The following TRPM6 variants were observed in gnomAD, a reference collection of about 807,000 sequenced individuals.
TRPM6 encodes channel kinase 2.
A neutral mutation model predicts 247.6 loss-of-function variants in TRPM6; 111 were observed. That is an observed-to-expected ratio of 0.45 (90% confidence interval 0.38 to 0.52). The LOEUF (loss-of-function observed/expected upper bound fraction) is 0.52, where lower values mean the gene tolerates loss of function less well. TRPM6 is among the 20% of genes least tolerant of loss of function. The probability of loss-of-function intolerance (pLI) is 0.00; values close to 1 mark genes in which losing one functional copy is unlikely to be tolerated. For missense variants in TRPM6, 2,126 were observed against 2,421.5 expected (o/e 0.88, Z 2.56); for synonymous variants, 892 against 853.8 (o/e 1.04, Z -0.78).
At position 74,726,360 on chromosome 9, in the gene TRPM6, A is replaced by C. The variant is rs1258086531; in HGVS notation, c.5936-1614T>G. Reference sequence around the variant, plus strand: ...CCCTATCTCTACTAAAAATACAAAAATTAGCTGGGCGTGGTGGCGGGCGCC... The same window carrying C: ...CCCTATCTCTACTAAAAATACAAAACTTAGCTGGGCGTGGTGGCGGGCGCC... On this transcript the variant is annotated intron_variant, in intron 38 of 38. Transcript: ENST00000360774. Among the ~76,000 whole-genome samples, 3 of 152,220 alleles carry C rather than the reference A, an allele frequency of 2.0e-5. No homozygotes were observed. The East Asian group carries it at 5.8e-4, about 29-fold the overall frequency.
intron 38 of TRPM6, among the ~76,000 whole-genome samples, chr9:74,726,343 C>T (rs895606216): frequency 1.3e-5 from 2 of 152,060 alleles, no homozygotes; most frequent in Non-Finnish European, 2.9e-5. Context: ...AACCCTATCT[C>T]TACTAAAAAT....
rs1009596239 is a variant in TRPM6 at position 74,747,527 on chromosome 9, A to G, written c.5083+362T>C. Among the ~76,000 whole-genome samples, 7 of 152,350 alleles carry G rather than the reference A, an allele frequency of 4.6e-5. No homozygotes were observed. In the East Asian group the frequency reaches 9.6e-4, roughly 21 times the overall value. On this transcript the variant is annotated intron_variant, in intron 31 of 38. Coordinates refer to ENST00000360774, the MANE Select transcript of TRPM6 (RefSeq NM_017662.5). ...GCCCCAGATCTTACTAAAACCCTAC[A>G]GGAAAAGGCACCCATATAACAATCT...
chr9:74,790,353 G>A (rs1187794154), intron 19 of TRPM6, among the ~76,000 whole-genome samples: 1 of 152,020 alleles, frequency 6.6e-6, no homozygotes, highest in Non-Finnish European at 1.5e-5. Flanking sequence ...TGACTCCTTA[G>A]GGACACACTT....
intron 7 of TRPM6, among the ~76,000 whole-genome samples, chr9:74,824,129 GGAAGA>G (rs370763618): frequency 9.6e-4 from 146 of 151,392 alleles, no homozygotes; most frequent in African/African-American, 3.2e-3. Flanking sequence ...TTGTGGAAGA[GGAAGA>G]GAATTCAATT....
At chr9:74,729,995 T>C (rs1347765958) in intron 37 of TRPM6, among the ~76,000 whole-genome samples, 9 of 152,152 alleles carry the variant, frequency 5.9e-5, no homozygotes, top group Non-Finnish European at 1.0e-4. Flanking sequence ...CAAATGCATA[T>C]AGCAGGAGTT....
intron 32 of TRPM6, 40 bp downstream of exon 32, chr9:74,744,055 T>C: frequency 6.3e-7 from 1 of 1,598,258 alleles, no homozygotes; most frequent in Non-Finnish European, 8.6e-7. Context: ...AGCACAGACA[T>C]TTAGCTCAGC....
chr9:74,776,153 T>C (rs1285543778), intron 23 of TRPM6, 77 bp from the exon 24 acceptor site: 18 of 1,291,462 alleles, frequency 1.4e-5, no homozygotes, highest in African/African-American at 2.9e-5. Flanking sequence ...TTTTCCAACA[T>C]TTATGATTGG....
At chr9:74,745,343 C>T (rs1022726507) in intron 31 of TRPM6, among the ~76,000 whole-genome samples, 1 of 152,154 alleles carries the variant, frequency 6.6e-6, no homozygotes, top group African/African-American at 2.4e-5. Flanking sequence ...GTGCCAGGCA[C>T]TGGTCTATGC....
chr9:74,867,338 T>C (rs1307889295), intron 1 of TRPM6, among the ~76,000 whole-genome samples: 1 of 152,178 alleles, frequency 6.6e-6, no homozygotes, highest in Non-Finnish European at 1.5e-5. Context: ...TAGAGACCTC[T>C]AGGAGTCCTT....
intron 6 of TRPM6, 132 bp downstream of exon 6, chr9:74,833,866 C>G (rs1829625423): frequency 8.1e-7 from 1 of 1,237,092 alleles, no homozygotes; most frequent in Non-Finnish European, 1.1e-6. Context: ...AGGGAAGCAG[C>G]AGAAAGTCAG....
At chr9:74,796,679 A>T (rs915143108) in intron 18 of TRPM6, 62 bp downstream of exon 18, 2 of 1,540,290 alleles carry the variant, frequency 1.3e-6, no homozygotes, top group South Asian at 1.1e-5. Context: ...AACTTTAAGG[A>T]TGTGTATATT....
chr9:74,802,746 C>A (rs922089686), intron 15 of TRPM6, among the ~76,000 whole-genome samples: 3 of 152,188 alleles, frequency 2.0e-5, no homozygotes. Flanking sequence ...TTTGAAGTTT[C>A]TTTTCCTTTA....
At chr9:74,795,340 C>T (rs750720818) in intron 18 of TRPM6, among the ~76,000 whole-genome samples, 7 of 152,122 alleles carry the variant, frequency 4.6e-5, no homozygotes, top group Non-Finnish European at 7.4e-5. Context: ...ACTGGCTGTC[C>T]GTAACCTACA....
intron 1 of TRPM6, among the ~76,000 whole-genome samples, chr9:74,865,780 A>G (rs1368940773): frequency 6.6e-6 from 1 of 152,178 alleles, no homozygotes; most frequent in Non-Finnish European, 1.5e-5. Flanking sequence ...TTTTGTTTTA[A>G]TACAGAGTCT....
intron 3 of TRPM6, among the ~76,000 whole-genome samples, chr9:74,854,919 TCCATCCA>T (rs1284298251): frequency 2.6e-5 from 4 of 152,196 alleles, no homozygotes; most frequent in African/African-American, 9.6e-5. Flanking sequence ...GCTCAAGCAG[TCCATCCA>T]CCTTGGCCTC....
At position 74,762,469 on chromosome 9, in the gene TRPM6, T is replaced by C; in HGVS notation, c.4202A>G (p.Asp1401Gly). 6.2e-7 allele frequency: 1 copy of C among 1,614,168 alleles called. No individual in the cohort carries two copies. Among genetic ancestry groups the C allele is most frequent in the Non-Finnish European group, 8.5e-7 (1 of 1,180,034 alleles). ...TPVVSDWASV[D>G]EPKEKHEPIA... ...AGGCTCGTGCTTTTCCTTGGGTTCA[T>C]CCACTGATGCCCAGTCAGAGACAAC... Residue 1401 changes from aspartate (D) to glycine (G), a missense_variant, in exon 26 of 39, where the codon GAT (aspartate) becomes GGT (glycine). This residue lies in a region of TRPM6 where 717 missense variants were observed against 715.9 expected (regional missense o/e 1.00). Coordinates refer to ENST00000360774, the MANE Select transcript of TRPM6 (RefSeq NM_017662.5).
intron 20 of TRPM6, among the ~76,000 whole-genome samples, chr9:74,786,859 C>A (rs1290132070): frequency 6.6e-6 from 1 of 152,198 alleles, no homozygotes; most frequent in Non-Finnish European, 1.5e-5. Context: ...ATCCTGTAAT[C>A]CAGTCCGACT....
chr9:74,739,817 C>G lies in TRPM6; in HGVS notation c.5393G>C (p.Gly1798Ala), dbSNP rs757460255. 2 of 1,614,122 alleles carry G rather than the reference C, an allele frequency of 1.2e-6. No individual in the cohort carries two copies. Among genetic ancestry groups the G allele is most frequent in the Non-Finnish European group, 1.7e-6 (2 of 1,180,026 alleles). Residue 1798 changes from glycine (G) to alanine (A), a missense_variant, in exon 34 of 39, where the codon GGA becomes GCA. This residue lies in a region of TRPM6 where 327 missense variants were observed against 397.7 expected (regional missense o/e 0.82). Coordinates refer to ENST00000360774, the MANE Select transcript of TRPM6 (RefSeq NM_017662.5). ...AAAGGACTTGACAATGAAAACTTGTCCCGGCTTGAGAATGTCATCCTCAGA... is the reference window on the plus strand; with the variant it reads ...AAAGGACTTGACAATGAAAACTTGTGCCGGCTTGAGAATGTCATCCTCAGA... ...TWSEDDILKP[G>A]QVFIVKSFLP...
At chr9:74,780,454 C>CAA (rs200558762) in intron 23 of TRPM6, among the ~76,000 whole-genome samples, 3,911 of 116,634 alleles carry the variant, frequency 0.034, 172 homozygotes, top group African/African-American at 0.11. Context: ...AACTCCGTCT[C>CAA]AAAAAAAAAA....
Sources: allele counts gnomAD v4.1 joint callset (sites outside exome capture counted in the v4.1 genomes callset), GRCh38; gene constraint gnomAD v4.1.1; regional missense constraint gnomAD v4.1.1; transcripts MANE v1.5; gene names NCBI Gene and HGNC (gene_info 2026-07-23, HGNC 2026-07-21).